Variants in DOCK8 observed in about 807,000 individuals in gnomAD.
DOCK8 encodes dedicator of cytokinesis 8.
In DOCK8, 141 loss-of-function variants were observed where a neutral mutation model predicts 245.6. The ratio of observed to expected loss-of-function variants is 0.57; its 90% CI spans 0.50 to 0.66. DOCK8 has a LOEUF of 0.66. DOCK8 is among the 30% of genes least tolerant of loss of function. DOCK8 has a pLI of 0.00. For synonymous variants in DOCK8, 1,168 were observed against 970.2 expected (o/e 1.20, Z -3.79); for missense variants, 2,965 against 2,603.4 (o/e 1.14, Z -3.02).
intron 1 of DOCK8, among the ~76,000 whole-genome samples, chr9:224,142 A>G (rs945765148): frequency 2.6e-5 from 4 of 152,200 alleles, no homozygotes; most frequent in Admixed American, 2.0e-4. Context: ...GGTACTGCAT[A>G]CAGGAAACTA....
intron 20 of DOCK8, among the ~76,000 whole-genome samples, chr9:379,389 T>A (rs942732042): frequency 6.6e-6 from 1 of 152,084 alleles, no homozygotes; most frequent in Non-Finnish European, 1.5e-5. Flanking sequence ...ATTAATACAC[T>A]CTCTGGGGTG....
chr9:404,810 A>G, intron 26 of DOCK8, 108 bp from the exon 27 acceptor site: 2 of 1,218,018 alleles, frequency 1.6e-6, no homozygotes, highest in East Asian at 4.9e-5. Flanking sequence ...AGTTTTTATT[A>G]AATTGATTGC....
At chr9:375,974 C>G (rs892399628) in intron 18 of DOCK8, among the ~76,000 whole-genome samples, 1 of 152,046 alleles carries the variant, frequency 6.6e-6, no homozygotes, top group Non-Finnish European at 1.5e-5. Context: ...TTCAGCCTGG[C>G]GACAGAGTGG....
intron 23 of DOCK8, among the ~76,000 whole-genome samples, chr9:389,361 G>A (rs902868547): frequency 5.3e-5 from 8 of 152,302 alleles, no homozygotes; most frequent in Admixed American, 4.6e-4. Flanking sequence ...AAGTGAAGAC[G>A]CAAAGTGGAG....
At chr9:366,932 C>G (rs1014680011) in intron 14 of DOCK8, among the ~76,000 whole-genome samples, 40 of 152,110 alleles carry the variant, frequency 2.6e-4, no homozygotes, top group African/African-American at 9.4e-4. Flanking sequence ...CTTATCAGGG[C>G]TCTTATCTGA....
Position 418,145 on chromosome 9 carries a change from G to A in DOCK8, c.3778G>A (p.Ala1260Thr), listed in dbSNP as rs1412410000. The A allele has an allele frequency of 1.2e-6, 2 of 1,614,110 alleles. No individual in the cohort carries two copies. The highest frequency in any genetic ancestry group is 1.7e-5 in the Admixed American group (1 of 60,006). Residue 1260 changes from alanine to threonine, a missense_variant, in exon 30 of 48, where the codon GCT becomes ACT. Transcript: ENST00000432829. ...AGCCGGTGCCATTAACCAGAATGTG[G>A]CTCTGGCCATAGCAGGGAATAATTT... ...EGAGAINQNV[A>T]LAIAGNNFNL...
intron 28 of DOCK8, among the ~76,000 whole-genome samples, chr9:409,263 G>C (rs531392124): frequency 6.6e-6 from 1 of 152,244 alleles, no homozygotes; most frequent in African/African-American, 2.4e-5. Context: ...TGACACCTGG[G>C]TATATCCACA....
intron 1 of DOCK8, among the ~76,000 whole-genome samples, chr9:265,132 A>G (rs2048007401): frequency 6.6e-6 from 1 of 152,134 alleles, no homozygotes; most frequent in African/African-American, 2.4e-5. Context: ...GGGTCTCACC[A>G]TGTTGGCCAG....
intron 46 of DOCK8, among the ~76,000 whole-genome samples, chr9:458,840 G>C (rs1414430259): frequency 6.6e-6 from 1 of 151,948 alleles, no homozygotes; most frequent in African/African-American, 2.4e-5. Context: ...AAGAGATGCA[G>C]GGGGGGTGAG....
In DOCK8 at chr9:420,548, C is replaced by G. The variant is rs148081681; in HGVS notation, c.3988C>G (p.Leu1330Val). 2.6e-4 allele frequency: 423 copies of G among 1,614,172 alleles called. No homozygotes were observed. In the African/African-American group the frequency reaches 2.9e-3, roughly 11 times the overall value. ...AACGCAGCTCAACAGGATTTTAGAT[C>G]TACTTTTCATCTGTGTGTTATGTTT... ...PSTQLNRILD[L>V]LFICVLCFEY... Residue 1330 changes from leucine to valine, a missense_variant, in exon 31 of 48, where the codon CTA (leucine) becomes GTA (valine). This residue lies in a region of DOCK8 where 2,825 missense variants were observed against 2,453.5 expected (regional missense o/e 1.15). Coordinates refer to ENST00000432829, the MANE Select transcript of DOCK8 (RefSeq NM_203447.4).
At chr9:457,773 C>G (rs1033829831) in intron 46 of DOCK8, among the ~76,000 whole-genome samples, 1 of 152,218 alleles carries the variant, frequency 6.6e-6, no homozygotes, top group Non-Finnish European at 1.5e-5. Context: ...TAGCCTGGGT[C>G]TGTCAGGCAT....
chr9:387,241 C>A (rs1218359299), intron 23 of DOCK8, among the ~76,000 whole-genome samples: 3 of 152,012 alleles, frequency 2.0e-5, no homozygotes, highest in Non-Finnish European at 4.4e-5. Context: ...GTCAGGAGTT[C>A]AAGATAAGCC....
chr9:215,020 A>G lies in DOCK8; in HGVS notation c.44A>G (p.Lys15Arg), dbSNP rs771201533. The G allele has an allele frequency of 5.7e-6, 9 of 1,589,664 alleles. No homozygotes were observed. Among genetic ancestry groups the G allele is most frequent in the East Asian group, 2.3e-5 (1 of 43,640 alleles). ...PSAERRAFAL[K>R]INRYSSAEIR... is the part of the protein sequence containing the mutation. ...GCAGAGCGCCGCGCGTTCGCGCTCA[A>G]GATCAACAGGTAAGACGCCCCCCGC... Residue 15 changes from lysine (K) to arginine (R), a missense_variant, in exon 1 of 48, where the codon AAG becomes AGG. Lys to Arg is a conservative substitution (Grantham distance 26, BLOSUM62 2). This residue lies in a region of DOCK8 where 2,825 missense variants were observed against 2,453.5 expected (regional missense o/e 1.15). Coordinates refer to ENST00000432829, the MANE Select transcript of DOCK8 (RefSeq NM_203447.4).
intron 1 of DOCK8, among the ~76,000 whole-genome samples, chr9:229,779 A>C (rs1587622640): frequency 6.6e-6 from 1 of 152,088 alleles, no homozygotes; most frequent in South Asian, 2.1e-4. Context: ...TAGAAGGATC[A>C]CCCCTATATC....
intron 1 of DOCK8, among the ~76,000 whole-genome samples, chr9:224,929 G>A (rs1406595152): frequency 6.6e-6 from 1 of 152,142 alleles, no homozygotes. Context: ...GTGAGAACAA[G>A]ACTATCACCC....
rs4436173 is a variant in DOCK8 at position 372,341 on chromosome 9, C to T, written c.2109+55C>T. 0.052 allele frequency: 71,238 copies of T among 1,364,808 alleles called. 5,086 individuals are homozygous for T. The highest frequency in any genetic ancestry group is 0.34 in the African/African-American group (23,790 of 70,182). 84.5% of individuals were successfully genotyped at this position (1,364,808 alleles called of 1,614,324 possible). On this transcript the variant is annotated intron_variant, in intron 18 of 47. Transcript: ENST00000432829. Reference sequence around the variant, plus strand: ...CTTGTCCAGCTGTAGTCTTGGACCACCTTCCCAGACTCACTTTCCATTCCC... The same window carrying T: ...CTTGTCCAGCTGTAGTCTTGGACCATCTTCCCAGACTCACTTTCCATTCCC...
In DOCK8 at chr9:451,975, ATATTTTTTTTTT is replaced by A. The variant is rs1250357982; in HGVS notation, c.5962-34_5962-23del. 335 of 224,468 alleles carry A rather than the reference ATATTTTTTTTTT, an allele frequency of 1.5e-3. 1 individual carries two copies. Among genetic ancestry groups the A allele is most frequent in the African/African-American group, 2.8e-3 (55 of 19,546 alleles). 13.9% of individuals were successfully genotyped at this position (224,468 alleles called of 1,614,324 possible). A position where few individuals can be genotyped will look rare whatever the true frequency, so the allele number is the denominator to read the frequency against. On this transcript the variant is annotated intron_variant, in intron 45 of 47. Coordinates refer to ENST00000432829, the MANE Select transcript of DOCK8 (RefSeq NM_203447.4). ...TGTGTGTATATATATATATATATAT[ATATTTTTTTTTT>A]TTTTTTTTTTTTTTTCCCACCAGGG...
rs1247365157 is a variant in DOCK8, at chr9:339,219, G to GTGTT, written c.1516+121_1516+124dup. On this transcript the variant is annotated intron_variant, in intron 13 of 47. Transcript: ENST00000432829. ...TTTGCCAAGTGAAATGTGAGATTTT[G>GTGTT]TGTTAGGGGTTAAGAATCTGAATTG... 4.6e-6 allele frequency: 4 copies of GTGTT among 866,294 alleles called. No homozygotes were observed. In the East Asian group the frequency reaches 1.1e-4, roughly 23 times the overall value. The allele number at this position is 866,294 out of a possible 1,614,324, so 53.7% of individuals were successfully genotyped here.
chr9:273,192 A>G (rs2048213998), intron 2 of DOCK8: 5 of 887,826 alleles, frequency 5.6e-6, no homozygotes, highest in African/African-American at 1.8e-5. Flanking sequence ...AACCTATAGC[A>G]TCTTTTACTG....
Sources: allele counts gnomAD v4.1 joint callset (sites outside exome capture counted in the v4.1 genomes callset), GRCh38; gene constraint gnomAD v4.1.1; regional missense constraint gnomAD v4.1.1; transcripts MANE v1.5; gene names NCBI Gene and HGNC (gene_info 2026-07-23, HGNC 2026-07-21).